Variants in CADPS2 observed in about 807,000 individuals in gnomAD.
CADPS2 encodes the protein calcium-dependent secretion activator 2.
In CADPS2, 93 loss-of-function variants were observed where a neutral mutation model predicts 172.5. The observed-to-expected ratio is 0.54, with a 90% CI of 0.46 to 0.64. CADPS2 has a LOEUF of 0.64. Among genes scored for constraint, CADPS2 ranks in the 30% least tolerant of loss-of-function variants. The probability of loss-of-function intolerance (pLI) is 0.00; values close to 1 mark genes in which losing one functional copy is unlikely to be tolerated. For synonymous variants in CADPS2, 546 were observed against 555.2 expected, an observed-to-expected ratio of 0.98 and a Z score of 0.23; for missense variants, 1,420 against 1,565.9, an observed-to-expected ratio of 0.91 and a Z score of 1.57.
chr7:122,829,366 T>A (rs1043645269), intron 1 of CADPS2, among the ~76,000 whole-genome samples: 6 of 152,182 alleles, frequency 3.9e-5, no homozygotes, highest in Admixed American at 3.9e-4. Flanking sequence ...AGAAATGCTC[T>A]CCCCTTCACA....
At chr7:122,533,141 T>A (rs2061929450) in intron 8 of CADPS2, among the ~76,000 whole-genome samples, 1 of 152,154 alleles carries the variant, frequency 6.6e-6, no homozygotes, top group Admixed American at 6.6e-5. Context: ...TGTAGGATAC[T>A]GGCAGTTGTC....
At chr7:122,385,448 C>A (rs947408498) in intron 24 of CADPS2, among the ~76,000 whole-genome samples, 1 of 151,872 alleles carries the variant, frequency 6.6e-6, no homozygotes, top group Non-Finnish European at 1.5e-5. Context: ...TTAACTAAGC[C>A]CCTCTGCTTA....
chr7:122,814,162 T>C (rs1800738796), intron 1 of CADPS2, among the ~76,000 whole-genome samples: 1 of 150,474 alleles, frequency 6.6e-6, no homozygotes, highest in African/African-American at 2.5e-5. Flanking sequence ...TCCTATATGA[T>C]AACATGGTAA....
chr7:122,421,542 G>A (rs1054671543), intron 17 of CADPS2, among the ~76,000 whole-genome samples: 7 of 152,016 alleles, frequency 4.6e-5, no homozygotes, highest in Non-Finnish European at 7.4e-5. Context: ...CTCAGATTCC[G>A]TGGCCCTGAA....
chr7:122,497,208 T>C (rs946653815), intron 9 of CADPS2, among the ~76,000 whole-genome samples: 6 of 152,130 alleles, frequency 3.9e-5, no homozygotes, highest in South Asian at 2.1e-4. Context: ...TCAATTATTC[T>C]GTGTTATATT....
intron 1 of CADPS2, among the ~76,000 whole-genome samples, chr7:122,792,785 C>T (rs1309326501): frequency 6.6e-6 from 1 of 152,140 alleles, no homozygotes; most frequent in African/African-American, 2.4e-5. Flanking sequence ...ACACTGCTCA[C>T]CCTAGGCCAA....
intron 24 of CADPS2, among the ~76,000 whole-genome samples, chr7:122,384,268 G>T (rs1264444549): frequency 6.6e-6 from 1 of 152,144 alleles, no homozygotes; most frequent in East Asian, 1.9e-4. Context: ...AATGCATTGT[G>T]AGGAAGGAGT....
At chr7:122,480,456 C>T (rs1234916044) in intron 12 of CADPS2, among the ~76,000 whole-genome samples, 1 of 152,030 alleles carries the variant, frequency 6.6e-6, no homozygotes, top group African/African-American at 2.4e-5. Flanking sequence ...ACTAGTGCCT[C>T]CGATAAAACA....
intron 25 of CADPS2, among the ~76,000 whole-genome samples, chr7:122,377,126 G>T (rs2042456098): frequency 6.6e-6 from 1 of 152,038 alleles, no homozygotes. Context: ...ATAATATCCA[G>T]TATTATACGA....
chr7:122,566,777 A>G (rs902906637), intron 7 of CADPS2, among the ~76,000 whole-genome samples: 6 of 152,194 alleles, frequency 3.9e-5, no homozygotes, highest in Admixed American at 2.0e-4. Flanking sequence ...CATCCAAACA[A>G]AAGTAACTAA....
chr7:122,720,553 T>C (rs984302753), intron 2 of CADPS2, among the ~76,000 whole-genome samples: 11 of 151,530 alleles, frequency 7.3e-5, no homozygotes, highest in Non-Finnish European at 1.2e-4. Context: ...TGTATGTATA[T>C]ATGCATGTGT....
At chr7:122,709,013 T>C (rs1230841308) in intron 2 of CADPS2, among the ~76,000 whole-genome samples, 1 of 152,068 alleles carries the variant, frequency 6.6e-6, no homozygotes, top group African/African-American at 2.4e-5. Flanking sequence ...ACTGGATTTT[T>C]GTTTGAGGCA....
chr7:122,488,859 T>C (rs762317717), intron 11 of CADPS2, among the ~76,000 whole-genome samples: 5 of 152,200 alleles, frequency 3.3e-5, no homozygotes, highest in Non-Finnish European at 7.3e-5. Flanking sequence ...AAAATAAAGT[T>C]ACACTTCTGT....
In CADPS2 at chr7:122,432,993, A is replaced by G. The variant is rs531042629; in HGVS notation, c.2476+5348T>C. ...CTAATATATATAATATATTTTTTGG[A>G]GACAGGGTCTCCTTCTGTCACCCAC... On this transcript the variant is annotated intron_variant, in intron 17 of 29. Transcript: ENST00000449022. Among the ~76,000 whole-genome samples the G allele has an allele frequency of 1.8e-3, 274 of 152,132 alleles. 3 individuals carry two copies. Among genetic ancestry groups the G allele is most frequent in the African/African-American group, 6.2e-3 (257 of 41,510 alleles).
chr7:122,507,911 G>GT (rs919555510), intron 9 of CADPS2, among the ~76,000 whole-genome samples: 2 of 152,114 alleles, frequency 1.3e-5, no homozygotes, highest in Non-Finnish European at 2.9e-5. Context: ...TGACACCTAG[G>GT]TTTTGATTTA....
chr7:122,661,895 T>G (rs2080579611), intron 3 of CADPS2, among the ~76,000 whole-genome samples: 1 of 152,194 alleles, frequency 6.6e-6, no homozygotes, highest in South Asian at 2.1e-4. Context: ...AATACAAAGT[T>G]CCAGTTGAAG....
At chr7:122,778,564 T>C (rs1359337018) in intron 1 of CADPS2, among the ~76,000 whole-genome samples, 3 of 152,098 alleles carry the variant, frequency 2.0e-5, no homozygotes, top group Non-Finnish European at 4.4e-5. Flanking sequence ...AAAATGGTTT[T>C]GTGGACCTGG....
intron 11 of CADPS2, among the ~76,000 whole-genome samples, chr7:122,485,281 G>A (rs542289334): frequency 1.3e-5 from 2 of 152,308 alleles, no homozygotes; most frequent in Admixed American, 1.3e-4. Context: ...AGCCAAGATA[G>A]GCTGAAAGCG....
chr7:122,592,167 A>G (rs1191853321), intron 6 of CADPS2, among the ~76,000 whole-genome samples: 1 of 152,166 alleles, frequency 6.6e-6, no homozygotes, highest in South Asian at 2.1e-4. Context: ...CCCATCACAA[A>G]GTGGGCGAAG....
Sources: allele counts gnomAD v4.1 joint callset (sites outside exome capture counted in the v4.1 genomes callset), GRCh38; gene constraint gnomAD v4.1.1; transcripts MANE v1.5; gene names NCBI Gene and HGNC (gene_info 2026-07-23, HGNC 2026-07-21).